Variants in PPARGC1B observed in about 807,000 individuals in gnomAD.
The protein encoded by PPARGC1B is peroxisome proliferator-activated receptor gamma coactivator 1-beta.
A neutral mutation model predicts 101.6 loss-of-function variants in PPARGC1B; 34 were observed. The ratio of observed to expected loss-of-function variants is 0.33; its 90% CI spans 0.25 to 0.45. PPARGC1B has a LOEUF of 0.45. Ranked by LOEUF, PPARGC1B falls within the 20% of genes least tolerant of loss-of-function variation. PPARGC1B has a pLI of 1.00. For synonymous variants in PPARGC1B, 548 were observed against 539.3 expected, an observed-to-expected ratio of 1.02 and a Z score of -0.22; for missense variants, 1,234 against 1,317.6, an observed-to-expected ratio of 0.94 and a Z score of 0.98.
chr5:149,790,393 G>A (rs1756971930), intron 1 of PPARGC1B, among the ~76,000 whole-genome samples: 1 of 152,042 alleles, frequency 6.6e-6, no homozygotes, highest in Non-Finnish European at 1.5e-5. Flanking sequence ...TCCCTGGGGT[G>A]TGCCTCCGCT....
At chr5:149,803,794 T>C (rs1188608996) in intron 1 of PPARGC1B, among the ~76,000 whole-genome samples, 5 of 152,204 alleles carry the variant, frequency 3.3e-5, no homozygotes, top group African/African-American at 4.8e-5. Context: ...ACAGATTCAT[T>C]GTACTCGCCC....
intron 1 of PPARGC1B, among the ~76,000 whole-genome samples, chr5:149,748,037 T>C (rs1755150480): frequency 6.6e-6 from 1 of 152,040 alleles, no homozygotes; most frequent in Non-Finnish European, 1.5e-5. Context: ...AAGCCCTCCT[T>C]TGCTCAGCTG....
In PPARGC1B at chr5:149,851,215, G is replaced by C. The variant is rs1581133167; in HGVS notation, c.*3657G>C. ...CTCTTGTTGCCTAAAGCCTGTTCCT[G>C]TTGGTTTTCTTAGAGTGATTTCTCC... On this transcript the variant is annotated 3_prime_UTR_variant, in exon 12 of 12. Transcript: ENST00000309241. 6.6e-6 allele frequency: 1 copy of C among 152,296 alleles called. No homozygotes were observed. Among genetic ancestry groups the C allele is most frequent in the African/African-American group, 2.4e-5 (1 of 41,452 alleles). The allele number at this position is 152,296 out of a possible 1,614,324, so 9.4% of individuals were successfully genotyped here. A position where few individuals can be genotyped will look rare whatever the true frequency, so the allele number is the denominator to read the frequency against.
chr5:149,799,878 T>A (rs997492320), intron 1 of PPARGC1B, among the ~76,000 whole-genome samples: 2 of 151,666 alleles, frequency 1.3e-5, no homozygotes, highest in Admixed American at 6.6e-5. Context: ...TTGCATTTTT[T>A]AAAATAGAGA....
At chr5:149,780,062 G>T (rs551636440) in intron 1 of PPARGC1B, among the ~76,000 whole-genome samples, 128 of 152,332 alleles carry the variant, frequency 8.4e-4, no homozygotes, top group Non-Finnish European at 1.6e-3. Flanking sequence ...CCACCTAGGG[G>T]AGTGTAAGGA....
chr5:149,782,228 G>A (rs1756625513), intron 1 of PPARGC1B, among the ~76,000 whole-genome samples: 1 of 152,118 alleles, frequency 6.6e-6, no homozygotes, highest in African/African-American at 2.4e-5. Context: ...CCCTGGCTTG[G>A]GAGTCGGATC....
chr5:149,854,301 C>A lies in PPARGC1B; in HGVS notation c.*6743C>A, dbSNP rs933420627. ...TAACAAGGTAACTACGGCCTGAGTG[C>A]GTGAGTGTAAGGCTGTGTTTGTGGT... On this transcript the variant is annotated 3_prime_UTR_variant, in exon 12 of 12. Coordinates refer to ENST00000309241, the MANE Select transcript of PPARGC1B (RefSeq NM_133263.4). 7.3e-5 allele frequency: 11 copies of A among 151,396 alleles called. No individual in the cohort carries two copies. The highest frequency in any genetic ancestry group is 2.4e-4 in the African/African-American group (10 of 41,130). 9.4% of individuals were successfully genotyped at this position (151,396 alleles called of 1,614,324 possible).
chr5:149,775,501 C>T lies in PPARGC1B; in HGVS notation c.79-44932C>T, dbSNP rs184663475. On this transcript the variant is annotated intron_variant, in intron 1 of 11. Transcript: ENST00000309241. ...GGTGCAGGAGCTGAGATGCGCCTTT[C>T]AGCACCCATGGCAGACAGAACGAAT... is the stretch of plus-strand genomic sequence containing the variant. Among the ~76,000 whole-genome samples, 557 of 152,246 alleles carry T rather than the reference C, an allele frequency of 3.7e-3. 4 individuals are homozygous for T. The highest frequency in any genetic ancestry group is 0.012 in the African/African-American group (515 of 41,540).
In PPARGC1B at chr5:149,820,579, C is replaced by T. The variant is rs1349807475; in HGVS notation, c.225C>T (p.Tyr75=). 1.2e-6 allele frequency: 2 copies of T among 1,613,302 alleles called. No individual in the cohort carries two copies. The highest frequency in any genetic ancestry group is 1.3e-5 in the African/African-American group (1 of 75,038). The change falls in exon 2 of 12, where the codon TAC becomes TAT. Residue 75 remains tyrosine, a synonymous_variant. Coordinates refer to ENST00000309241, the MANE Select transcript of PPARGC1B (RefSeq NM_133263.4). Reference sequence around the variant, plus strand: ...ACTCAGAGACTGAACCCAACCAGTACAGCCCCGATGACTCCGAGCTCTTCC... The same window carrying T: ...ACTCAGAGACTGAACCCAACCAGTATAGCCCCGATGACTCCGAGCTCTTCC... The part of the protein sequence containing the change: ...PENSETEPNQ[Y]SPDDSELFQI...
intron 1 of PPARGC1B, among the ~76,000 whole-genome samples, chr5:149,743,420 G>A (rs908783100): frequency 2.3e-4 from 35 of 152,212 alleles, no homozygotes; most frequent in African/African-American, 7.7e-4. Flanking sequence ...CTCCCAAAGT[G>A]CTGAGATTCC....
chr5:149,843,682 A>G (rs929657732), intron 10 of PPARGC1B, among the ~76,000 whole-genome samples: 1 of 152,214 alleles, frequency 6.6e-6, no homozygotes, highest in Non-Finnish European at 1.5e-5. Context: ...TCCAAGAGGT[A>G]TTTGTTCACC....
chr5:149,841,140 T>A (rs1759318033), intron 9 of PPARGC1B, among the ~76,000 whole-genome samples: 1 of 152,100 alleles, frequency 6.6e-6, no homozygotes, highest in Non-Finnish European at 1.5e-5. Flanking sequence ...ACTGTGAAAT[T>A]AGTAATGTGC....
chr5:149,813,812 T>A (rs533719365), intron 1 of PPARGC1B, among the ~76,000 whole-genome samples: 93 of 152,304 alleles, frequency 6.1e-4, no homozygotes, highest in African/African-American at 2.2e-3. Context: ...AAGCCTAAGA[T>A]CGAGGCACCG....
At chr5:149,796,220 TA>T (rs1178478088) in intron 1 of PPARGC1B, among the ~76,000 whole-genome samples, 1 of 151,744 alleles carries the variant, frequency 6.6e-6, no homozygotes, top group East Asian at 1.9e-4. Context: ...GTCGGTGGAG[TA>T]GGGGGGGCCT....
chr5:149,830,058 A>AG (rs1758709862), intron 3 of PPARGC1B, among the ~76,000 whole-genome samples: 8 of 129,582 alleles, frequency 6.2e-5, no homozygotes, highest in African/African-American at 2.0e-4. Context: ...AAAAAAAGAA[A>AG]AAAAAAAAAA....
At chr5:149,791,596 A>C (rs542364812) in intron 1 of PPARGC1B, among the ~76,000 whole-genome samples, 7 of 152,072 alleles carry the variant, frequency 4.6e-5, no homozygotes, top group Non-Finnish European at 1.0e-4. Flanking sequence ...TATGGTCTGG[A>C]GAGGCTGGTC....
chr5:149,831,163 G>A (rs1275150790), intron 4 of PPARGC1B, among the ~76,000 whole-genome samples: 2 of 152,192 alleles, frequency 1.3e-5, no homozygotes, highest in Non-Finnish European at 2.9e-5. Context: ...AGGCTTCAGA[G>A]GACTGTATTC....
intron 1 of PPARGC1B, among the ~76,000 whole-genome samples, chr5:149,804,510 C>T (rs1202590095): frequency 6.6e-6 from 1 of 152,140 alleles, no homozygotes; most frequent in Non-Finnish European, 1.5e-5. Flanking sequence ...CCCATCTCTA[C>T]CAAAAATACA....
chr5:149,771,353 C>T (rs1018244858), intron 1 of PPARGC1B, among the ~76,000 whole-genome samples: 1 of 152,136 alleles, frequency 6.6e-6, no homozygotes, highest in African/African-American at 2.4e-5. Context: ...AAATTGGGGT[C>T]CCAAAGGCAT....
Sources: gnomAD v4.1 joint callset for allele counts (sites outside exome capture counted in the v4.1 genomes callset) on GRCh38, gnomAD v4.1.1 for gene constraint, MANE v1.5 for transcripts, NCBI Gene and HGNC (gene_info 2026-07-23, HGNC 2026-07-21) for gene names.